The following LRP1B variants were observed in gnomAD, a reference collection of about 807,000 sequenced individuals.
The protein encoded by LRP1B is low-density lipoprotein receptor-related protein 1B.
Under a neutral mutation model 556.6 loss-of-function variants are expected in LRP1B, and 217 were observed. The ratio of observed to expected loss-of-function variants is 0.39; its 90% CI spans 0.35 to 0.44. The LOEUF (loss-of-function observed/expected upper bound fraction) is 0.44, where lower values mean the gene tolerates loss of function less well. Ranked by LOEUF, LRP1B falls within the 20% of genes least tolerant of loss-of-function variation. The pLI, the probability that LRP1B is intolerant of heterozygous loss-of-function variation, is 1.00. For missense variants in LRP1B, 5,053 were observed against 5,620.8 expected (o/e 0.90, Z 3.23); for synonymous variants, 2,047 against 1,865.8 (o/e 1.10, Z -2.50).
At chr2:140,765,815 T>C (rs1042866971) in intron 35 of LRP1B, among the ~76,000 whole-genome samples, 5 of 152,144 alleles carry the variant, frequency 3.3e-5, no homozygotes, top group Admixed American at 2.0e-4. Context: ...TGAAATAGTA[T>C]TGATAAATTA....
chr2:141,775,797 T>TAGAATA (rs1695048869), intron 2 of LRP1B, among the ~76,000 whole-genome samples: 2 of 151,416 alleles, frequency 1.3e-5, no homozygotes. Flanking sequence ...AATATAGAAT[T>TAGAATA]GAGATACTGA....
intron 35 of LRP1B, among the ~76,000 whole-genome samples, chr2:140,755,774 A>G (rs1327121904): frequency 6.6e-6 from 1 of 152,066 alleles, no homozygotes; most frequent in Non-Finnish European, 1.5e-5. Context: ...TAGAACAAGA[A>G]TAAGACAAGA....
At chr2:141,164,102 G>A (rs1016699520) in intron 7 of LRP1B, among the ~76,000 whole-genome samples, 1 of 151,902 alleles carries the variant, frequency 6.6e-6, no homozygotes, top group Non-Finnish European at 1.5e-5. Context: ...TTTAAATATG[G>A]GTAAGATAAT....
At chr2:141,887,365 G>A (rs540748308) in intron 1 of LRP1B, among the ~76,000 whole-genome samples, 5 of 152,038 alleles carry the variant, frequency 3.3e-5, no homozygotes, top group African/African-American at 7.2e-5. Flanking sequence ...GGCATTCCAC[G>A]GTCAGACTTA....
intron 41 of LRP1B, among the ~76,000 whole-genome samples, chr2:140,692,164 G>T (rs1225964391): frequency 1.3e-5 from 2 of 151,946 alleles, no homozygotes; most frequent in African/African-American, 4.8e-5. Context: ...TCAAAAAATT[G>T]CTAAAATTTG....
chr2:141,962,954 C>T (rs1177641856), intron 1 of LRP1B, among the ~76,000 whole-genome samples: 1 of 151,790 alleles, frequency 6.6e-6, no homozygotes, highest in Non-Finnish European at 1.5e-5. Context: ...TGTAAGTAGT[C>T]ATTTTCCAAC....
At position 140,820,259 on chromosome 2, in the gene LRP1B, C is replaced by T. The variant is rs1444774025; in HGVS notation, c.5210-6453G>A. Among the ~76,000 whole-genome samples, 3 of 152,214 alleles carry T rather than the reference C, an allele frequency of 2.0e-5. No individual in the cohort carries two copies. In the East Asian group the frequency reaches 5.8e-4, roughly 29 times the overall value. On this transcript the variant is annotated intron_variant, in intron 31 of 90. Coordinates refer to ENST00000389484, the MANE Select transcript of LRP1B (RefSeq NM_018557.3). ...CCTCTCAAAGTACTGGAATTACAGG[C>T]ATCAGCCACCACACCTGGCCTACAT...
chr2:140,502,647 A>G (rs1689248483), intron 54 of LRP1B, among the ~76,000 whole-genome samples: 1 of 152,036 alleles, frequency 6.6e-6, no homozygotes, highest in Admixed American at 6.6e-5. Context: ...TGAATTTTCA[A>G]ATAGGCCAAT....
rs569918343 is a variant in LRP1B at position 142,056,209 on chromosome 2, T to C, written c.82+74439A>G. Among the ~76,000 whole-genome samples the C allele has an allele frequency of 7.9e-5, 12 of 152,186 alleles. No individual in the cohort carries two copies. The East Asian group carries it at 2.3e-3, about 30-fold the overall frequency. On this transcript the variant is annotated intron_variant, in intron 1 of 90. Transcript: ENST00000389484. ...AAGGCAAATAGATTTTGTGGTTTTA[T>C]CTCCAACAAGAAAACATCATTTGGA... is the stretch of plus-strand genomic sequence containing the variant.
chr2:140,911,298 C>T (rs1050742612), intron 21 of LRP1B, among the ~76,000 whole-genome samples: 3 of 151,692 alleles, frequency 2.0e-5, no homozygotes, highest in Non-Finnish European at 4.4e-5. Flanking sequence ...TGGAGGGATA[C>T]ACAAGAAATA....
chr2:140,657,650 TAC>T (rs1443617788), intron 41 of LRP1B, among the ~76,000 whole-genome samples: 6 of 147,932 alleles, frequency 4.1e-5, no homozygotes, highest in Non-Finnish European at 8.9e-5. Context: ...CATACATATA[TAC>T]ATACATATAT....
chr2:142,080,179 T>G (rs1574662153), intron 1 of LRP1B, among the ~76,000 whole-genome samples: 1 of 152,306 alleles, frequency 6.6e-6, no homozygotes, highest in Middle Eastern at 3.4e-3. Flanking sequence ...AGACTTGTTC[T>G]GGGAAAACTG....
chr2:140,403,285 A>C (rs1372625907), intron 66 of LRP1B, among the ~76,000 whole-genome samples: 1 of 152,210 alleles, frequency 6.6e-6, no homozygotes, highest in Non-Finnish European at 1.5e-5. Context: ...AAAAGATGAA[A>C]TCATTGAAAT....
In LRP1B at chr2:140,232,135, G is replaced by A. The variant is rs1200531076; in HGVS notation, c.*1051C>T. The A allele has an allele frequency of 6.6e-6, 1 of 151,188 alleles. No individual in the cohort carries two copies. The highest frequency in any genetic ancestry group is 1.5e-5 in the Non-Finnish European group (1 of 67,526). 9.4% of individuals were successfully genotyped at this position (151,188 alleles called of 1,614,324 possible). On this transcript the variant is annotated 3_prime_UTR_variant, in exon 91 of 91. Transcript: ENST00000389484. ...TATATTTTGGATAGGGCAAATAATG[G>A]GTTGCTCATATTAAATCTTGAAAAT...
chr2:140,458,335 G>T (rs1404688701), intron 60 of LRP1B, among the ~76,000 whole-genome samples: 5 of 152,056 alleles, frequency 3.3e-5, no homozygotes, highest in Non-Finnish European at 4.4e-5. Flanking sequence ...TATTCTTCCT[G>T]ATGTTTAAAT....
intron 2 of LRP1B, among the ~76,000 whole-genome samples, chr2:141,716,858 T>G (rs1692613831): frequency 6.6e-6 from 1 of 152,228 alleles, no homozygotes; most frequent in Non-Finnish European, 1.5e-5. Context: ...CTAGTCTTGA[T>G]GAGCTCCTTA....
At chr2:141,094,428 G>T (rs1380480785) in intron 7 of LRP1B, among the ~76,000 whole-genome samples, 1 of 152,010 alleles carries the variant, frequency 6.6e-6, no homozygotes, top group Non-Finnish European at 1.5e-5. Context: ...GTTTAAGGGG[G>T]TCTTAGAGCA....
At chr2:140,666,301 TACAC>T (rs56905500) in intron 41 of LRP1B, among the ~76,000 whole-genome samples, 2,166 of 147,864 alleles carry the variant, frequency 0.015, 37 homozygotes, top group African/African-American at 0.038. Context: ...CCATTTATTA[TACAC>T]ACACACACAC....
intron 43 of LRP1B, among the ~76,000 whole-genome samples, chr2:140,554,845 A>AGTGTGT (rs1259537503): frequency 4.0e-5 from 5 of 125,538 alleles, no homozygotes; most frequent in African/African-American, 1.6e-4. Context: ...CTTCTTTTAA[A>AGTGTGT]GTGTGTGTAT....
Sources: gnomAD v4.1 joint callset for allele counts (sites outside exome capture counted in the v4.1 genomes callset) on GRCh38, gnomAD v4.1.1 for gene constraint, MANE v1.5 for transcripts, NCBI Gene and HGNC (gene_info 2026-07-23, HGNC 2026-07-21) for gene names.